CAMTA1: variants seen among roughly 807,000 people sequenced by gnomAD.
The protein encoded by CAMTA1 is calmodulin binding transcription activator 1.
In CAMTA1, 27 loss-of-function variants were observed where a neutral mutation model predicts 170.9. That is an observed-to-expected ratio of 0.16 (90% CI 0.12 to 0.22). The LOEUF (loss-of-function observed/expected upper bound fraction) is 0.22, where lower values mean the gene tolerates loss of function less well. CAMTA1 is among the 10% of genes least tolerant of loss of function. The pLI is 1.00. For synonymous variants in CAMTA1, 833 were observed against 891.5 expected (o/e 0.93, Z 1.17); for missense variants, 1,619 against 2,217.2 (o/e 0.73, Z 5.42).
chr1:7,031,050 T>A (rs542561720), intron 3 of CAMTA1, among the ~76,000 whole-genome samples: 44 of 149,676 alleles, frequency 2.9e-4, no homozygotes, highest in South Asian at 2.4e-3. Context: ...GTTTCACCGT[T>A]GTTAGCCAGG....
intron 5 of CAMTA1, among the ~76,000 whole-genome samples, chr1:7,352,444 C>T (rs889291654): frequency 2.0e-5 from 3 of 152,144 alleles, no homozygotes; most frequent in Admixed American, 6.5e-5. Flanking sequence ...CACAAAGGCC[C>T]GACATCTTGT....
chr1:7,488,692 CATAA>C (rs1308385293), intron 6 of CAMTA1, among the ~76,000 whole-genome samples: 2 of 152,128 alleles, frequency 1.3e-5, no homozygotes, highest in South Asian at 2.1e-4. Context: ...CACATATACA[CATAA>C]ATATATACAT....
intron 6 of CAMTA1, among the ~76,000 whole-genome samples, chr1:7,519,819 A>C (rs2094336512): frequency 6.6e-6 from 1 of 151,542 alleles, no homozygotes; most frequent in Non-Finnish European, 1.5e-5. Context: ...AAACCTGGTC[A>C]GTTCTACTCC....
At chr1:7,735,207 G>A (rs1253691493) in intron 12 of CAMTA1, among the ~76,000 whole-genome samples, 1 of 152,128 alleles carries the variant, frequency 6.6e-6, no homozygotes, top group Non-Finnish European at 1.5e-5. Flanking sequence ...TCCTTCAGAA[G>A]AAGCAAGAGG....
chr1:6,851,386 A>G (rs570152013), intron 3 of CAMTA1, among the ~76,000 whole-genome samples: 1 of 152,340 alleles, frequency 6.6e-6, no homozygotes, highest in East Asian at 1.9e-4. Context: ...CTGGACATAC[A>G]TTATAGAGTG....
intron 12 of CAMTA1, among the ~76,000 whole-genome samples, chr1:7,733,637 G>A (rs140626840): frequency 2.0e-5 from 3 of 151,802 alleles, no homozygotes; most frequent in Non-Finnish European, 4.4e-5. Context: ...TAAAGGAACT[G>A]ATGGTATTTC....
chr1:7,684,594 T>C (rs1261207142), intron 11 of CAMTA1, among the ~76,000 whole-genome samples: 1 of 152,146 alleles, frequency 6.6e-6, no homozygotes, highest in Admixed American at 6.5e-5. Context: ...GCCTGCACTG[T>C]CCTCCCTCTG....
rs1352359659 is a variant in CAMTA1, at chr1:7,064,723, A to G, written c.235-26581A>G. 7.2e-6 allele frequency among the ~76,000 whole-genome samples: 1 copy of G among 139,622 alleles called. No individual in the cohort carries two copies. Among genetic ancestry groups the G allele is most frequent in the Non-Finnish European group, 1.5e-5 (1 of 66,054 alleles). The allele number at this position is 139,622 out of a possible 152,430, so 91.6% of individuals were successfully genotyped here. A position where few individuals can be genotyped will look rare whatever the true frequency, so the allele number is the denominator to read the frequency against. On this transcript the variant is annotated intron_variant, in intron 3 of 22. Transcript: ENST00000303635. This position sits in a 1 kb window ranked among gnomAD's most constrained non-coding sequence, Gnocchi z 5.4. ...GGGGGCTGGAGTCCAGAGATTGCAGAGCATGCTGGTACTGGAGGGTGGGGG... is the reference window on the plus strand; with the variant it reads ...GGGGGCTGGAGTCCAGAGATTGCAGGGCATGCTGGTACTGGAGGGTGGGGG...
At chr1:7,002,312 G>C (rs1035894983) in intron 3 of CAMTA1, among the ~76,000 whole-genome samples, 5 of 152,152 alleles carry the variant, frequency 3.3e-5, no homozygotes, top group African/African-American at 1.2e-4. Context: ...TGGGATACGG[G>C]AGTCAGGAGA....
chr1:6,798,843 G>A (rs767420451), intron 1 of CAMTA1, among the ~76,000 whole-genome samples: 2 of 151,712 alleles, frequency 1.3e-5, no homozygotes, highest in East Asian at 2.0e-4. Flanking sequence ...TGATCCGTCC[G>A]CCTCTGCCTC....
chr1:7,587,203 G>A (rs966750400), intron 6 of CAMTA1, among the ~76,000 whole-genome samples: 5 of 152,060 alleles, frequency 3.3e-5, no homozygotes, highest in Admixed American at 6.5e-5. Flanking sequence ...CAGCCGCCAC[G>A]AAGAATTCAT....
intron 4 of CAMTA1, among the ~76,000 whole-genome samples, chr1:7,235,663 T>C (rs951398368): frequency 2.6e-5 from 4 of 152,266 alleles, no homozygotes; most frequent in African/African-American, 9.6e-5. Flanking sequence ...ACGCTGAATC[T>C]CTGGGAACGA....
intron 3 of CAMTA1, among the ~76,000 whole-genome samples, chr1:6,873,542 A>C (rs1315025223): frequency 1.3e-5 from 2 of 152,180 alleles, no homozygotes; most frequent in Non-Finnish European, 2.9e-5. Context: ...TGCTGTTGGA[A>C]TCGGCTCCCC....
At chr1:7,449,114 A>G (rs1391761457) in intron 5 of CAMTA1, among the ~76,000 whole-genome samples, 1 of 152,228 alleles carries the variant, frequency 6.6e-6, no homozygotes, top group East Asian at 1.9e-4. Context: ...CGGTTTGCAC[A>G]TTCTTAAGGA....
chr1:7,534,278 C>T lies in CAMTA1; in HGVS notation c.510+66377C>T, dbSNP rs1034517367. On this transcript the variant is annotated intron_variant, in intron 6 of 22. Transcript: ENST00000303635. The surrounding 1 kb of genome is among the most constrained non-coding windows in gnomAD (Gnocchi z 5.6). ...AGCAGAGCCCAGGCTGGCTGGAGGCCGAGGCTGGGGGCCGCGGGGCTATTT... is the reference window on the plus strand; with the variant it reads ...AGCAGAGCCCAGGCTGGCTGGAGGCTGAGGCTGGGGGCCGCGGGGCTATTT... 4.6e-5 allele frequency among the ~76,000 whole-genome samples: 7 copies of T among 152,276 alleles called. No individual in the cohort carries two copies. The highest frequency in any genetic ancestry group is 2.0e-4 in the Admixed American group (3 of 15,300).
chr1:7,534,676 G>A lies in CAMTA1; in HGVS notation c.510+66775G>A, dbSNP rs1177144106. On this transcript the variant is annotated intron_variant, in intron 6 of 22. Transcript: ENST00000303635. This position sits in a 1 kb window ranked among gnomAD's most constrained non-coding sequence, Gnocchi z 5.6. ...TCACAGCAGTGGACGTTCGGGCCGA[G>A]GGGAGCTGAGGCCACGGCGGGGACT... Among the ~76,000 whole-genome samples the A allele has an allele frequency of 6.6e-6, 1 of 152,172 alleles. No individual in the cohort carries two copies. Among genetic ancestry groups the A allele is most frequent in the Non-Finnish European group, 1.5e-5 (1 of 68,038 alleles).
chr1:6,899,299 C>T (rs972367344), intron 3 of CAMTA1, among the ~76,000 whole-genome samples: 2 of 152,230 alleles, frequency 1.3e-5, no homozygotes, highest in African/African-American at 2.4e-5. Context: ...AAATAAATGA[C>T]TGCTTTCTTA....
intron 4 of CAMTA1, among the ~76,000 whole-genome samples, chr1:7,225,898 C>T (rs374860456): frequency 2.6e-5 from 4 of 152,264 alleles, no homozygotes; most frequent in East Asian, 1.9e-4. Context: ...CTGCCAGCAG[C>T]GAACCTTTCC....
intron 6 of CAMTA1, among the ~76,000 whole-genome samples, chr1:7,559,551 G>A (rs551506857): frequency 1.3e-5 from 2 of 152,348 alleles, no homozygotes; most frequent in East Asian, 1.9e-4. Flanking sequence ...GTGTTTTCAC[G>A]CCGAGCACAG....
Sources: gnomAD v4.1 joint callset for allele counts (sites outside exome capture counted in the v4.1 genomes callset) on GRCh38, gnomAD v4.1.1 for gene constraint, Gnocchi (gnomAD v3.1) non-coding constraint, MANE v1.5 for transcripts, NCBI Gene and HGNC (gene_info 2026-07-23, HGNC 2026-07-21) for gene names.